Variants in LLGL2 observed in about 807,000 individuals in gnomAD.
The protein encoded by LLGL2 is LLGL scribble cell polarity complex component 2.
LLGL2 carries 81 observed loss-of-function variants against 123.2 expected under a neutral mutation model. The ratio of observed to expected loss-of-function variants is 0.66; its 90% confidence interval spans 0.55 to 0.79. The LOEUF is 0.79. Among genes scored for constraint, LLGL2 ranks in the 30% least tolerant of loss-of-function variants. LLGL2 has a pLI of 0.00. For synonymous variants in LLGL2, 577 were observed against 594.1 expected (o/e 0.97, Z 0.42); for missense variants, 1,273 against 1,414.6 (o/e 0.90, Z 1.61).
intron 3 of LLGL2, 189 bp from the exon 4 acceptor site, chr17:75,557,966 T>G (rs1347440118): frequency 1.4e-6 from 1 of 705,714 alleles, no homozygotes; most frequent in East Asian, 2.7e-5. Flanking sequence ...GTCACTGGCC[T>G]GGTGCCCCAG....
Position 75,572,041 on chromosome 17 carries a change from G to A in LLGL2, c.2437G>A (p.Val813Ile), listed in dbSNP as rs1050324287. 12 of 1,611,848 alleles carry A rather than the reference G, an allele frequency of 7.4e-6. No homozygotes were observed. Among genetic ancestry groups the A allele is most frequent in the Admixed American group, 3.3e-5 (2 of 59,980 alleles). Residue 813 changes from valine to isoleucine, a missense_variant, in exon 19 of 26, where the codon GTC (valine) becomes ATC (isoleucine). By Grantham distance (29) the Val-to-Ile change is conservative. Coordinates refer to ENST00000392550, the MANE Select transcript of LLGL2 (RefSeq NM_001031803.2). ...CATGCAGGGAAGCCACCAGCTGCTC[G>A]TCGTATCAGAGGAGCAGTTCAAGGT... ...PDMQGSHQLL[V>I]VSEEQFKVFT...
chr17:75,556,022 C>T (rs1364427666), intron 2 of LLGL2, 24 bp from the exon 3 acceptor site: 1 of 1,593,556 alleles, frequency 6.3e-7, no homozygotes, highest in Non-Finnish European at 8.6e-7. Flanking sequence ...TCTGCAGGCC[C>T]ACCCCACGTG....
At position 75,571,921 on chromosome 17, in the gene LLGL2, C is replaced by T. The variant is rs753146313; in HGVS notation, c.2317C>T (p.Arg773Trp). 10 of 1,612,234 alleles carry T rather than the reference C, an allele frequency of 6.2e-6. No homozygotes were observed. Among genetic ancestry groups the T allele is most frequent in the East Asian group, 2.2e-5 (1 of 44,878 alleles). ...AGCCAAGGAGATCCAGCTGATGCAC[C>T]GGGCGCCGGTGGTGGGCATCCTGGT... ...EQAKEIQLMH[R>W]APVVGILVLD... The change falls in exon 19 of 26, where the codon CGG (arginine) becomes TGG (tryptophan). Residue 773 changes from arginine to tryptophan, a missense_variant. By Grantham distance (101) the Arg-to-Trp change is moderately radical. Transcript: ENST00000392550.
intron 19 of LLGL2, among the ~76,000 whole-genome samples, chr17:75,572,588 C>G (rs984687502): frequency 6.7e-6 from 1 of 150,316 alleles, no homozygotes; most frequent in Non-Finnish European, 1.5e-5. Flanking sequence ...TGGCGTGAAC[C>G]CAGGAGGCGG....
In LLGL2 at chr17:75,544,536, AG is replaced by A. The variant is rs1446274887; in HGVS notation, c.75+1036del. Among the ~76,000 whole-genome samples the A allele has an allele frequency of 6.6e-6, 1 of 152,240 alleles. No individual in the cohort carries two copies. The highest frequency in any genetic ancestry group is 1.9e-4 in the East Asian group (1 of 5,200). On this transcript the variant is annotated intron_variant, in intron 2 of 25. Coordinates refer to ENST00000392550, the MANE Select transcript of LLGL2 (RefSeq NM_001031803.2). The surrounding 1 kb of genome is among the most constrained non-coding windows in gnomAD (Gnocchi z 4.2). ...TGCAAACCCAACTTTGCCACATAGA[AG>A]CTGGATGGCCGTGTGCCTGTCGCCC...
rs761481757 is a variant in LLGL2, at chr17:75,568,630, G to A, written c.1191G>A (p.Pro397=). 1.5e-5 allele frequency: 24 copies of A among 1,613,690 alleles called. No individual in the cohort carries two copies. The highest frequency in any genetic ancestry group is 5.0e-5 in the Admixed American group (3 of 60,002). Reference sequence around the variant, plus strand: ...GCTCTCACCACGTCTCCAACATCCCGCTGAAGCTGTGGGAGCGGATCATTG... The same window carrying A: ...GCTCTCACCACGTCTCCAACATCCCACTGAAGCTGTGGGAGCGGATCATTG... The part of the protein sequence containing the change: ...ITCSHHVSNI[P]LKLWERIIAA... The change falls in exon 11 of 26, where the codon CCG becomes CCA. Residue 397 remains proline, a synonymous_variant. Transcript: ENST00000392550.
intron 2 of LLGL2, among the ~76,000 whole-genome samples, chr17:75,545,688 G>A (rs1428886476): frequency 6.6e-6 from 1 of 152,158 alleles, no homozygotes. Context: ...AGTGAATAGT[G>A]GTCCCATTTA....
Position 75,571,739 on chromosome 17 carries a change from C to T in LLGL2, c.2249C>T (p.Pro750Leu), listed in dbSNP as rs1369520705. The T allele has an allele frequency of 3.7e-6, 6 of 1,609,092 alleles. No homozygotes were observed. In the Admixed American group the frequency reaches 5.0e-5, roughly 13 times the overall value. The change falls in exon 18 of 26, where the codon CCT becomes CTT. Residue 750 changes from proline to leucine, a missense_variant. Physicochemically the swap from Pro to Leu is moderately conservative, Grantham distance 98 (BLOSUM62 -3). Coordinates refer to ENST00000392550, the MANE Select transcript of LLGL2 (RefSeq NM_001031803.2). The stretch of plus-strand genomic sequence containing the variant: ...ATCTATGCCTTCTCCCTGCGTGTGC[C>T]TCCCGCCGAGCGGAGAATGGATGAG... ...GTIYAFSLRV[P>L]PAERRMDEPV...
chr17:75,575,188 A>T lies in LLGL2; in HGVS notation c.*310A>T, dbSNP rs1397847007. 3.7e-6 allele frequency: 2 copies of T among 540,118 alleles called. No individual in the cohort carries two copies. Among genetic ancestry groups the T allele is most frequent in the Non-Finnish European group, 6.6e-6 (2 of 301,754 alleles). 33.5% of individuals were successfully genotyped at this position (540,118 alleles called of 1,614,324 possible). On this transcript the variant is annotated 3_prime_UTR_variant, in exon 26 of 26. Transcript: ENST00000392550. Reference sequence around the variant, plus strand: ...CTGCCTCTGGGTGAAAAAGTTTTTAATAAACACCTATTACCTCTTGACTGG... The same window carrying T: ...CTGCCTCTGGGTGAAAAAGTTTTTATTAAACACCTATTACCTCTTGACTGG...
chr17:75,539,861 G>A (rs546631647), intron 1 of LLGL2, among the ~76,000 whole-genome samples: 2 of 152,176 alleles, frequency 1.3e-5, no homozygotes, highest in South Asian at 2.1e-4. Flanking sequence ...CACCCGCCTC[G>A]GCCTCCCAGA....
chr17:75,534,669 C>T (rs2147119739), intron 1 of LLGL2, among the ~76,000 whole-genome samples: 1 of 152,132 alleles, frequency 6.6e-6, no homozygotes, highest in East Asian at 1.9e-4. Flanking sequence ...TTTGCTGAGA[C>T]AAGGTCTCCC....
At chr17:75,529,980 C>T (rs567738182) in intron 1 of LLGL2, among the ~76,000 whole-genome samples, 1 of 152,272 alleles carries the variant, frequency 6.6e-6, no homozygotes, top group Non-Finnish European at 1.5e-5. Flanking sequence ...GTCACTGACC[C>T]GTGCTGAGCT....
chr17:75,547,551 G>A (rs986285190), intron 2 of LLGL2, among the ~76,000 whole-genome samples: 2 of 152,196 alleles, frequency 1.3e-5, no homozygotes, highest in East Asian at 1.9e-4. Context: ...GAGGCGGGGC[G>A]CAGTGGCTCA....
chr17:75,573,545 G>A lies in LLGL2; in HGVS notation c.2790G>A (p.Glu930=). The change falls in exon 21 of 26, where the codon GAG becomes GAA. Residue 930 remains glutamate, a synonymous_variant. Coordinates refer to ENST00000392550, the MANE Select transcript of LLGL2 (RefSeq NM_001031803.2). ...CTCTCTCCACCAAGTGGCTGGTGGA[G>A]CCCCGGTGTCTGGTGGATTCAGCAG... The part of the protein sequence containing the change: ...RFSLSTKWLV[E]PRCLVDSAET... The A allele has an allele frequency of 6.2e-7, 1 of 1,612,898 alleles. No homozygotes were observed. The highest frequency in any genetic ancestry group is 8.5e-7 in the Non-Finnish European group (1 of 1,179,906).
rs1418620184 is a variant in LLGL2 at position 75,568,469 on chromosome 17, A to G, written c.1037-7A>G. On this transcript the variant is annotated splice_polypyrimidine_tract_variant and splice_region_variant and intron_variant, in intron 10 of 25. Coordinates refer to ENST00000392550, the MANE Select transcript of LLGL2 (RefSeq NM_001031803.2). ...CCCCGGCCCCTGACCCTTGCCCTGT[A>G]CCCCAGCCTTTGACGACCCCTATGC... 2 of 1,610,246 alleles carry G rather than the reference A, an allele frequency of 1.2e-6. No individual in the cohort carries two copies. Among genetic ancestry groups the G allele is most frequent in the Non-Finnish European group, 1.7e-6 (2 of 1,179,594 alleles).
rs754131418 is a variant in LLGL2 at position 75,556,029 on chromosome 17, C to T, written c.76-17C>T. Reference sequence around the variant, plus strand: ...GGGACAGGTCTGCAGGCCCACCCCACGTGCTTCTCGTTGCAGACGGTGGAG... The same window carrying T: ...GGGACAGGTCTGCAGGCCCACCCCATGTGCTTCTCGTTGCAGACGGTGGAG... On this transcript the variant is annotated splice_polypyrimidine_tract_variant and intron_variant, in intron 2 of 25. Coordinates refer to ENST00000392550, the MANE Select transcript of LLGL2 (RefSeq NM_001031803.2). 1.0e-5 allele frequency: 16 copies of T among 1,603,074 alleles called. No homozygotes were observed. Among genetic ancestry groups the T allele is most frequent in the South Asian group, 3.3e-5 (3 of 90,932 alleles).
chr17:75,550,190 G>C (rs1003318381), intron 2 of LLGL2, among the ~76,000 whole-genome samples: 12 of 152,226 alleles, frequency 7.9e-5, no homozygotes, highest in African/African-American at 2.9e-4. Flanking sequence ...CCACCCAGGG[G>C]CTATGCCCCG....
intron 2 of LLGL2, among the ~76,000 whole-genome samples, chr17:75,548,669 T>A (rs1376341387): frequency 2.0e-5 from 3 of 150,418 alleles, no homozygotes; most frequent in Non-Finnish European, 4.4e-5. Flanking sequence ...GGCAGGAGAA[T>A]CACTTGAACC....
At chr17:75,538,117 G>T (rs535189011) in intron 1 of LLGL2, among the ~76,000 whole-genome samples, 10 of 152,314 alleles carry the variant, frequency 6.6e-5, no homozygotes, top group African/African-American at 1.9e-4. Context: ...AGCCTGGAAG[G>T]GGGGCCGGGC....
Sources: gnomAD v4.1 joint callset for allele counts (sites outside exome capture counted in the v4.1 genomes callset) on GRCh38, gnomAD v4.1.1 for gene constraint, Gnocchi (gnomAD v3.1) non-coding constraint, MANE v1.5 for transcripts, NCBI Gene and HGNC (gene_info 2026-07-23, HGNC 2026-07-21) for gene names.